The following STXBP5L variants were observed in gnomAD, a reference collection of about 807,000 sequenced individuals.
STXBP5L encodes syntaxin-binding protein 5-like.
A neutral mutation model predicts 144.5 loss-of-function variants in STXBP5L; 65 were observed. The ratio of observed to expected loss-of-function variants is 0.45; its 90% CI spans 0.37 to 0.55. The LOEUF (loss-of-function observed/expected upper bound fraction) is 0.55. STXBP5L is among the 20% of genes least tolerant of loss of function. The pLI is 0.00. For synonymous variants in STXBP5L, 505 were observed against 469.6 expected (o/e 1.08, Z -0.97); for missense variants, 1,298 against 1,405.5 (o/e 0.92, Z 1.22).
intron 3 of STXBP5L, among the ~76,000 whole-genome samples, chr3:120,979,803 G>A (rs573994817): frequency 6.6e-6 from 1 of 152,112 alleles, no homozygotes; most frequent in Non-Finnish European, 1.5e-5. Flanking sequence ...TGTTCTTGAG[G>A]TGTGACTGTA....
At chr3:120,978,330 T>G (rs1425288022) in intron 3 of STXBP5L, among the ~76,000 whole-genome samples, 1 of 152,244 alleles carries the variant, frequency 6.6e-6, no homozygotes, top group Non-Finnish European at 1.5e-5. Flanking sequence ...CTTCCAGTTG[T>G]TCGCATCAGC....
At position 121,223,132 on chromosome 3, in the gene STXBP5L, T is replaced by G; in HGVS notation, c.1086T>G (p.Thr362=). Residue 362 remains threonine, a synonymous_variant, in exon 11 of 27, where the codon ACT becomes ACG. Transcript: ENST00000471454. ...ATCATCCTATTGTTGAATTTCTAAC[T>G]TTATGTGAAACGCCCTATCCAAATG... The part of the protein sequence containing the change: ...EMDHPIVEFL[T]LCETPYPNEF... 2 of 1,607,908 alleles carry G rather than the reference T, an allele frequency of 1.2e-6. No individual in the cohort carries two copies. Among genetic ancestry groups the G allele is most frequent in the Non-Finnish European group, 1.7e-6 (2 of 1,178,170 alleles).
At chr3:121,169,661 T>C (rs1470650493) in intron 9 of STXBP5L, among the ~76,000 whole-genome samples, 2 of 152,088 alleles carry the variant, frequency 1.3e-5, no homozygotes, top group Non-Finnish European at 2.9e-5. Context: ...CCCAAATATA[T>C]ATGCAACCAA....
intron 9 of STXBP5L, among the ~76,000 whole-genome samples, chr3:121,176,015 A>G (rs907089950): frequency 6.6e-6 from 1 of 152,118 alleles, no homozygotes; most frequent in Non-Finnish European, 1.5e-5. Context: ...AAGAAGACAT[A>G]ATAATGCTAA....
chr3:120,914,583 C>G (rs1196071754), intron 2 of STXBP5L, among the ~76,000 whole-genome samples: 2 of 152,086 alleles, frequency 1.3e-5, no homozygotes, highest in Non-Finnish European at 2.9e-5. Flanking sequence ...ATCTCTTCCT[C>G]AAGATTTTCA....
intron 2 of STXBP5L, among the ~76,000 whole-genome samples, chr3:120,952,878 A>C (rs1394054948): frequency 6.6e-6 from 1 of 152,056 alleles, no homozygotes; most frequent in Non-Finnish European, 1.5e-5. Flanking sequence ...GGTTTACTGC[A>C]GCCTCAACCT....
At chr3:120,924,305 CA>C (rs1709499823) in intron 2 of STXBP5L, among the ~76,000 whole-genome samples, 1 of 151,984 alleles carries the variant, frequency 6.6e-6, no homozygotes, top group Non-Finnish European at 1.5e-5. Context: ...TGCTAGAGGG[CA>C]AAATATTTTA....
At chr3:121,374,475 A>G (rs1273794754) in intron 20 of STXBP5L, among the ~76,000 whole-genome samples, 2 of 152,184 alleles carry the variant, frequency 1.3e-5, no homozygotes, top group Non-Finnish European at 2.9e-5. Flanking sequence ...AAAAAGATCT[A>G]TGAAATGCCT....
intron 2 of STXBP5L, among the ~76,000 whole-genome samples, chr3:120,945,637 T>G (rs1614611): frequency 1.3e-5 from 2 of 151,440 alleles, no homozygotes; most frequent in African/African-American, 4.8e-5. Flanking sequence ...TGCCAAGCCA[T>G]GTATGCATCT....
rs909133895 is a variant in STXBP5L at position 121,420,763 on chromosome 3, G to A, written c.*1666G>A. The A allele has an allele frequency of 2.6e-5, 4 of 151,944 alleles. No homozygotes were observed. Among genetic ancestry groups the A allele is most frequent in the African/African-American group, 4.8e-5 (2 of 41,332 alleles). 9.4% of individuals were successfully genotyped at this position (151,944 alleles called of 1,614,324 possible). A position where few individuals can be genotyped will look rare whatever the true frequency, so the allele number is the denominator to read the frequency against. ...ACTTCACAATTTTCCTGGATTTCAG[G>A]TTATTTTATTAGCCAAAAAATCGTA... On this transcript the variant is annotated 3_prime_UTR_variant, in exon 27 of 27. Transcript: ENST00000471454.
chr3:121,342,064 A>T (rs2044734077), intron 20 of STXBP5L, among the ~76,000 whole-genome samples: 1 of 152,058 alleles, frequency 6.6e-6, no homozygotes, highest in Non-Finnish European at 1.5e-5. Context: ...TGATTATTAT[A>T]CATTGTATGC....
intron 3 of STXBP5L, among the ~76,000 whole-genome samples, chr3:121,024,564 C>T (rs996856640): frequency 5.9e-5 from 9 of 152,184 alleles, no homozygotes; most frequent in African/African-American, 1.9e-4. Flanking sequence ...CAAGTCTAAA[C>T]ATCTCTTGGG....
intron 22 of STXBP5L, among the ~76,000 whole-genome samples, chr3:121,404,688 A>C (rs778003056): frequency 3.2e-4 from 49 of 152,188 alleles, no homozygotes; most frequent in Non-Finnish European, 6.2e-4. Context: ...TTAGGTTGCC[A>C]GTTTCGATGC....
At chr3:121,220,776 A>G (rs2048949625) in intron 10 of STXBP5L, among the ~76,000 whole-genome samples, 1 of 152,074 alleles carries the variant, frequency 6.6e-6, no homozygotes, top group African/African-American at 2.4e-5. Context: ...CTGGGTTTGA[A>G]TCTTTGTCCT....
intron 23 of STXBP5L, among the ~76,000 whole-genome samples, chr3:121,411,763 T>C (rs1205995995): frequency 6.6e-6 from 1 of 152,098 alleles, no homozygotes; most frequent in Non-Finnish European, 1.5e-5. Context: ...TTCCTGTGTA[T>C]AGAGTGAGTA....
chr3:121,115,956 A>T (rs1354090216), intron 6 of STXBP5L, among the ~76,000 whole-genome samples: 1 of 152,154 alleles, frequency 6.6e-6, no homozygotes, highest in Non-Finnish European at 1.5e-5. Flanking sequence ...CCCTAAGGGG[A>T]TGGTGCTAAA....
chr3:121,021,952 A>C (rs1424047810), intron 3 of STXBP5L, among the ~76,000 whole-genome samples: 1 of 152,170 alleles, frequency 6.6e-6, no homozygotes, highest in African/African-American at 2.4e-5. Context: ...GAAACTAAAA[A>C]ATATACAAAA....
intron 3 of STXBP5L, among the ~76,000 whole-genome samples, chr3:120,994,088 C>G (rs956220302): frequency 6.6e-6 from 1 of 151,678 alleles, no homozygotes; most frequent in African/African-American, 2.4e-5. Flanking sequence ...TCTTTTTCAG[C>G]TTTTTCATAA....
At chr3:121,052,469 A>C (rs1487253932) in intron 5 of STXBP5L, among the ~76,000 whole-genome samples, 4 of 152,360 alleles carry the variant, frequency 2.6e-5, no homozygotes, top group Admixed American at 2.6e-4. Context: ...GTAATCCAGC[A>C]TATAAACAGA....
Sources: gnomAD v4.1 joint callset for allele counts (sites outside exome capture counted in the v4.1 genomes callset) on GRCh38, gnomAD v4.1.1 for gene constraint, MANE v1.5 for transcripts, NCBI Gene and HGNC (gene_info 2026-07-23, HGNC 2026-07-21) for gene names.